TEX55: variants seen among roughly 807,000 people sequenced by gnomAD.
TEX55 encodes the protein testis expressed 55, also known as testis-specific expressed protein 55.
TEX55 carries 31 observed loss-of-function variants against 44.6 expected under a neutral mutation model. The ratio of observed to expected loss-of-function variants is 0.69; its 90% CI spans 0.52 to 0.94. The LOEUF is 0.94. TEX55 is among the 40% of genes least tolerant of loss of function. TEX55 has a pLI of 0.00. For synonymous variants in TEX55, 230 were observed against 230.9 expected (o/e 1.00, Z 0.04); for missense variants, 639 against 638.4 (o/e 1.00, Z -0.01).
At position 119,151,342 on chromosome 3, in the gene TEX55, CA is replaced by C. The variant is rs777172806; in HGVS notation, c.*51del. On this transcript the variant is annotated 3_prime_UTR_variant, in exon 3 of 3. Coordinates refer to ENST00000295622, the MANE Select transcript of TEX55 (RefSeq NM_152539.3). ...TTATTCTCTTTATTGTAAAATACAG[CA>C]CACATACAGCAAAGTGTATAGAACA... 1 of 1,480,930 alleles carries C rather than the reference CA, an allele frequency of 6.8e-7. No individual in the cohort carries two copies. Among genetic ancestry groups the C allele is most frequent in the Admixed American group, 1.7e-5 (1 of 58,858 alleles). 91.7% of individuals were successfully genotyped at this position (1,480,930 alleles called of 1,614,324 possible).
At chr3:119,151,186 C>T in intron 2 of TEX55, 38 bp from the exon 3 acceptor site, 1 of 1,376,446 alleles carries the variant, frequency 7.3e-7, no homozygotes, top group South Asian at 1.2e-5. Context: ...TAATTTTGCT[C>T]AGAACCATAA....
At position 119,147,174 on chromosome 3, in the gene TEX55, A is replaced by G. The variant is rs888781318; in HGVS notation, c.985A>G (p.Asn329Asp). The change falls in exon 1 of 3, where the codon AAT (asparagine) becomes GAT (aspartate). Residue 329 changes from asparagine to aspartate, a missense_variant. Coordinates refer to ENST00000295622, the MANE Select transcript of TEX55 (RefSeq NM_152539.3). ...EHQAIDQAHS[N>D]ADQPPVDNAH... ...CCAGGCTATTGACCAAGCTCATAGTAATGCTGATCAACCTCCAGTTGACAA... is the reference window on the plus strand; with the variant it reads ...CCAGGCTATTGACCAAGCTCATAGTGATGCTGATCAACCTCCAGTTGACAA... 7 of 1,614,082 alleles carry G rather than the reference A, an allele frequency of 4.3e-6. No individual in the cohort carries two copies. The African/African-American group carries it at 6.7e-5, about 15-fold the overall frequency.
chr3:119,149,673 CAT>C (rs1272676451), intron 2 of TEX55, among the ~76,000 whole-genome samples: 2 of 152,172 alleles, frequency 1.3e-5, no homozygotes, highest in Non-Finnish European at 2.9e-5. Context: ...ACCACAGACA[CAT>C]GAGTAATGCT....
rs756378208 is a variant in TEX55 at position 119,146,233 on chromosome 3, A to G, written c.44A>G (p.His15Arg). ...GAGGCTCTGGCTGAACCCTTGAAACATGAAAGCCCAGCCGCTCCCTCAAGT... is the reference window on the plus strand; with the variant it reads ...GAGGCTCTGGCTGAACCCTTGAAACGTGAAAGCCCAGCCGCTCCCTCAAGT... ...PQEALAEPLK[H>R]ESPAAPSSAG... The change falls in exon 1 of 3, where the codon CAT becomes CGT. Residue 15 changes from histidine to arginine, a missense_variant. His to Arg is a conservative substitution (Grantham distance 29). Coordinates refer to ENST00000295622, the MANE Select transcript of TEX55 (RefSeq NM_152539.3). 5 of 1,613,658 alleles carry G rather than the reference A, an allele frequency of 3.1e-6. No individual in the cohort carries two copies. The highest frequency in any genetic ancestry group is 2.2e-5 in the East Asian group (1 of 44,860).
intron 2 of TEX55, among the ~76,000 whole-genome samples, 158 bp downstream of exon 2, chr3:119,148,481 C>T (rs114466149): frequency 5.3e-5 from 8 of 152,012 alleles, no homozygotes; most frequent in African/African-American, 1.9e-4. Flanking sequence ...ATAGATGATA[C>T]CATCATATGA....
At chr3:119,150,370 G>GA (rs1414319947) in intron 2 of TEX55, among the ~76,000 whole-genome samples, 2 of 151,728 alleles carry the variant, frequency 1.3e-5, no homozygotes, top group South Asian at 2.1e-4. Flanking sequence ...ATTGTTATAG[G>GA]AAAAAATGGT....
chr3:119,148,542 T>G (rs1026447880), intron 2 of TEX55, among the ~76,000 whole-genome samples: 1 of 152,168 alleles, frequency 6.6e-6, no homozygotes, highest in African/African-American at 2.4e-5. Context: ...AGGGAAAAAC[T>G]TGGCCAAGGG....
At position 119,146,407 on chromosome 3, in the gene TEX55, A is replaced by T; in HGVS notation, c.218A>T (p.Asn73Ile). ...TCCAGCATATTTAGCCAAGCTACCA[A>T]CGGAGTAGCTGAACAAAATGGGCAT... ...AESSIFSQAT[N>I]GVAEQNGHST... Residue 73 changes from asparagine to isoleucine, a missense_variant, in exon 1 of 3, where the codon AAC becomes ATC. Physicochemically the swap from Asn to Ile is moderately radical, Grantham distance 149. Transcript: ENST00000295622. 1 of 1,614,172 alleles carries T rather than the reference A, an allele frequency of 6.2e-7. No homozygotes were observed. Among genetic ancestry groups the T allele is most frequent in the South Asian group, 1.1e-5 (1 of 91,074 alleles).
At chr3:119,149,167 T>C (rs1022348386) in intron 2 of TEX55, among the ~76,000 whole-genome samples, 1 of 152,170 alleles carries the variant, frequency 6.6e-6, no homozygotes, top group Non-Finnish European at 1.5e-5. Flanking sequence ...AATCTGACTT[T>C]TGTAATAATG....
rs780178920 is a variant in TEX55 at position 119,146,575 on chromosome 3, A to T, written c.386A>T (p.Gln129Leu). 3 of 1,614,004 alleles carry T rather than the reference A, an allele frequency of 1.9e-6. No homozygotes were observed. The highest frequency in any genetic ancestry group is 2.5e-6 in the Non-Finnish European group (3 of 1,180,034). ...SSQANNVQHE[Q>L]SDGQVSGLTE... Reference sequence around the variant, plus strand: ...CAAGCTAATAATGTACAGCATGAACAGAGTGATGGTCAGGTGTCTGGCCTG... The same window carrying T: ...CAAGCTAATAATGTACAGCATGAACTGAGTGATGGTCAGGTGTCTGGCCTG... The change falls in exon 1 of 3, where the codon CAG (glutamine) becomes CTG (leucine). Residue 129 changes from glutamine (Q) to leucine (L), a missense_variant. Gln to Leu is a moderately radical substitution (Grantham distance 113). Coordinates refer to ENST00000295622, the MANE Select transcript of TEX55 (RefSeq NM_152539.3).
At chr3:119,147,702 A>T in intron 1 of TEX55, 115 bp downstream of exon 1, 1 of 889,840 alleles carries the variant, frequency 1.1e-6, no homozygotes, top group Non-Finnish European at 1.7e-6. Flanking sequence ...GATAAAGAAT[A>T]AACCCACATG....
chr3:119,149,250 T>A (rs1033886767), intron 2 of TEX55, among the ~76,000 whole-genome samples: 1 of 152,178 alleles, frequency 6.6e-6, no homozygotes, highest in Admixed American at 6.5e-5. Flanking sequence ...TAACCGTGGT[T>A]CTATTTTTAA....
Position 119,147,355 on chromosome 3 carries a change from G to C in TEX55, c.1166G>C (p.Arg389Thr). The change falls in exon 1 of 3, where the codon AGA (arginine) becomes ACA (threonine). Residue 389 changes from arginine (R) to threonine (T), a missense_variant. By Grantham distance (71) the Arg-to-Thr change is moderately conservative. Transcript: ENST00000295622. Reference sequence around the variant, plus strand: ...AAAGAGGACAAAGAGGCTGACTACAGAGTACAACCCTGCAAATTTGAGGAT... The same window carrying C: ...AAAGAGGACAAAGAGGCTGACTACACAGTACAACCCTGCAAATTTGAGGAT... ...NSKEDKEADY[R>T]VQPCKFEDSQ... 1 of 1,614,198 alleles carries C rather than the reference G, an allele frequency of 6.2e-7. No individual in the cohort carries two copies. The highest frequency in any genetic ancestry group is 8.5e-7 in the Non-Finnish European group (1 of 1,180,030).
At chr3:119,149,768 T>C (rs1252251795) in intron 2 of TEX55, among the ~76,000 whole-genome samples, 1 of 152,160 alleles carries the variant, frequency 6.6e-6, no homozygotes, top group Non-Finnish European at 1.5e-5. Context: ...AACACATCAC[T>C]ATATGGAACA....
chr3:119,147,663 T>C (rs1267721846), intron 1 of TEX55, 76 bp downstream of exon 1: 1 of 1,249,182 alleles, frequency 8.0e-7, no homozygotes, highest in Non-Finnish European at 1.1e-6. Context: ...AAAATAGGGG[T>C]ACAACGGAAG....
Position 119,146,458 on chromosome 3 carries a change from G to A in TEX55, c.269G>A (p.Arg90Lys), listed in dbSNP as rs1449700005. Residue 90 changes from arginine (R) to lysine (K), a missense_variant, in exon 1 of 3, where the codon AGA becomes AAA. Coordinates refer to ENST00000295622, the MANE Select transcript of TEX55 (RefSeq NM_152539.3). ...GHSTPGQAGRRASNPADVSDL... is the reference protein window; with the variant it reads ...GHSTPGQAGRKASNPADVSDL... Reference sequence around the variant, plus strand: ...AGTACACCTGGTCAGGCTGGCCGCAGAGCATCCAACCCTGCTGATGTTTCT... The same window carrying A: ...AGTACACCTGGTCAGGCTGGCCGCAAAGCATCCAACCCTGCTGATGTTTCT... The A allele has an allele frequency of 3.7e-6, 6 of 1,614,142 alleles. 1 individual carries two copies. The South Asian group carries it at 4.4e-5, about 12-fold the overall frequency.
chr3:119,147,614 A>C, intron 1 of TEX55, 27 bp downstream of exon 1: 1 of 1,578,468 alleles, frequency 6.3e-7, no homozygotes, highest in Non-Finnish European at 8.6e-7. Flanking sequence ...TTTGATACCT[A>C]CCTGGGAGAT....
chr3:119,151,107 GA>G (rs2077777231), intron 2 of TEX55, 116 bp from the exon 3 acceptor site: 6 of 707,568 alleles, frequency 8.5e-6, no homozygotes, highest in East Asian at 2.6e-5. Context: ...ACCCATCTCT[GA>G]AAAAAACAAA....
chr3:119,150,506 T>C (rs1463807818), intron 2 of TEX55, among the ~76,000 whole-genome samples: 1 of 152,158 alleles, frequency 6.6e-6, no homozygotes, highest in Non-Finnish European at 1.5e-5. Flanking sequence ...GTGAGAATTG[T>C]GCTTACTTTA....
Sources: gnomAD v4.1 joint callset for allele counts (sites outside exome capture counted in the v4.1 genomes callset) on GRCh38, gnomAD v4.1.1 for gene constraint, MANE v1.5 for transcripts, NCBI Gene and HGNC (gene_info 2026-07-23, HGNC 2026-07-21) for gene names.